Variants in SCMH1 observed in about 807,000 individuals in gnomAD.
SCMH1 encodes the protein Scm polycomb group protein homolog 1.
SCMH1 carries 37 observed loss-of-function variants against 70.8 expected under a neutral mutation model. The observed-to-expected ratio is 0.52, with a 90% CI of 0.40 to 0.69. The LOEUF (loss-of-function observed/expected upper bound fraction) is 0.69, where lower values mean the gene tolerates loss of function less well. Ranked by LOEUF, SCMH1 falls within the 30% of genes least tolerant of loss-of-function variation. The pLI is 0.00. For synonymous variants in SCMH1, 292 were observed against 307.4 expected (o/e 0.95, Z 0.52); for missense variants, 607 against 827.3 (o/e 0.73, Z 3.27).
At chr1:41,164,547 T>C (rs776560617) in intron 2 of SCMH1, among the ~76,000 whole-genome samples, 57 of 152,242 alleles carry the variant, frequency 3.7e-4, no homozygotes, top group Non-Finnish European at 6.0e-4. Flanking sequence ...CCCCAGTAAG[T>C]AGTATAGTAA....
intron 1 of SCMH1, among the ~76,000 whole-genome samples, chr1:41,209,472 A>C (rs1656464618): frequency 6.6e-6 from 1 of 152,256 alleles, no homozygotes; most frequent in South Asian, 2.1e-4. Context: ...CATCAATAAA[A>C]TACTGGCAAA....
At chr1:41,181,089 A>C (rs933595747) in intron 2 of SCMH1, among the ~76,000 whole-genome samples, 3 of 152,204 alleles carry the variant, frequency 2.0e-5, no homozygotes, top group South Asian at 4.1e-4. Context: ...CAAAAATAAG[A>C]AATGGGGAAA....
chr1:41,188,054 G>A (rs907617925), intron 1 of SCMH1, among the ~76,000 whole-genome samples: 2 of 152,106 alleles, frequency 1.3e-5, no homozygotes, highest in African/African-American at 4.8e-5. Flanking sequence ...GGATGTGAAA[G>A]TTCTTGTATT....
intron 1 of SCMH1, among the ~76,000 whole-genome samples, chr1:41,200,305 G>A (rs996959271): frequency 4.0e-5 from 6 of 151,714 alleles, no homozygotes; most frequent in Non-Finnish European, 5.9e-5. Flanking sequence ...GTGAAACCCC[G>A]TCTCTACTAA....
At chr1:41,180,564 G>C (rs1351446930) in intron 2 of SCMH1, among the ~76,000 whole-genome samples, 1 of 152,120 alleles carries the variant, frequency 6.6e-6, no homozygotes. Context: ...CAGACAAACA[G>C]AGAGCCAAAT....
chr1:41,084,463 A>C (rs1660981784), intron 8 of SCMH1, among the ~76,000 whole-genome samples: 1 of 152,232 alleles, frequency 6.6e-6, no homozygotes, highest in Non-Finnish European at 1.5e-5. Flanking sequence ...CGATCATTAA[A>C]AAGTCAGGAA....
chr1:41,211,902 A>G (rs567330555), intron 1 of SCMH1, among the ~76,000 whole-genome samples: 46 of 152,296 alleles, frequency 3.0e-4, no homozygotes, highest in African/African-American at 1.0e-3. Context: ...AATTCTTAGC[A>G]AACTATCACA....
chr1:41,147,596 AT>A (rs1201231701), intron 5 of SCMH1, among the ~76,000 whole-genome samples: 2 of 151,848 alleles, frequency 1.3e-5, no homozygotes, highest in Non-Finnish European at 2.9e-5. Context: ...ATATTTGCTG[AT>A]TTTTTTTCTC....
At chr1:41,178,302 C>A (rs1391417623) in intron 2 of SCMH1, among the ~76,000 whole-genome samples, 3 of 152,152 alleles carry the variant, frequency 2.0e-5, no homozygotes, top group Non-Finnish European at 4.4e-5. Context: ...CTGTAAAGAC[C>A]ATCGAGGCTA....
intron 4 of SCMH1, 48 bp from the exon 5 acceptor site, chr1:41,151,732 A>G (rs775965179): frequency 7.2e-7 from 1 of 1,392,734 alleles, no homozygotes; most frequent in South Asian, 1.2e-5. Context: ...CCTAAAAAAA[A>G]TGTTTTCAGG....
intron 8 of SCMH1, among the ~76,000 whole-genome samples, chr1:41,083,962 T>C (rs983030908): frequency 2.0e-5 from 3 of 152,140 alleles, no homozygotes; most frequent in Non-Finnish European, 4.4e-5. Context: ...TTACACCTTA[T>C]ACAAAAATTA....
intron 1 of SCMH1, among the ~76,000 whole-genome samples, chr1:41,204,594 T>C (rs1323860045): frequency 6.6e-6 from 1 of 152,186 alleles, no homozygotes; most frequent in Non-Finnish European, 1.5e-5. Flanking sequence ...CCCTGGAATG[T>C]TCCACCTCAA....
intron 8 of SCMH1, among the ~76,000 whole-genome samples, chr1:41,106,879 G>A (rs1052389338): frequency 3.3e-5 from 5 of 151,818 alleles, no homozygotes; most frequent in African/African-American, 4.9e-5. Context: ...TAGTAGAGAC[G>A]GGGTTTCACC....
chr1:41,132,100 C>G (rs138889016), intron 6 of SCMH1, among the ~76,000 whole-genome samples: 40 of 152,276 alleles, frequency 2.6e-4, no homozygotes, highest in African/African-American at 8.7e-4. Context: ...ATTTCTAGTT[C>G]TAGATCCTTG....
chr1:41,190,283 A>G (rs1651370281), intron 1 of SCMH1, among the ~76,000 whole-genome samples: 1 of 152,216 alleles, frequency 6.6e-6, no homozygotes, highest in African/African-American at 2.4e-5. Flanking sequence ...CTGTTTGCAA[A>G]TATCTGGAGG....
chr1:41,160,130 A>G (rs1293006650), intron 4 of SCMH1, among the ~76,000 whole-genome samples: 1 of 152,214 alleles, frequency 6.6e-6, no homozygotes, highest in African/African-American at 2.4e-5. Context: ...CAGGAAAGAA[A>G]GGCAAGAGGA....
exon 14 of SCMH1, chr1:41,028,680 G>A (rs767493187): frequency 2.5e-6 from 4 of 1,614,114 alleles, no homozygotes. Flanking sequence ...AGGGGTCCCG[G>A]CCACTCAGTC....
At chr1:41,092,584 C>G (rs563322659) in intron 8 of SCMH1, among the ~76,000 whole-genome samples, 1 of 152,274 alleles carries the variant, frequency 6.6e-6, no homozygotes, top group East Asian at 1.9e-4. Flanking sequence ...AGTGAACAGG[C>G]AACCTACAAA....
intron 13 of SCMH1, among the ~76,000 whole-genome samples, chr1:41,033,108 A>G (rs528616594): frequency 6.6e-6 from 1 of 152,284 alleles, no homozygotes; most frequent in South Asian, 2.1e-4. Context: ...CCTGGGCAAC[A>G]TGGTGAAACT....
Sources: gnomAD v4.1 joint callset for allele counts (sites outside exome capture counted in the v4.1 genomes callset) on GRCh38, gnomAD v4.1.1 for gene constraint, MANE v1.5 for transcripts, NCBI Gene and HGNC (gene_info 2026-07-23, HGNC 2026-07-21) for gene names.